The following SRRM4 variants were observed in gnomAD, a reference collection of about 807,000 sequenced individuals.
SRRM4 encodes serine/arginine repetitive matrix protein 4.
A neutral mutation model predicts 68.9 loss-of-function variants in SRRM4; 33 were observed. The ratio of observed to expected loss-of-function variants is 0.48; its 90% confidence interval spans 0.36 to 0.64. The LOEUF is 0.64. SRRM4 is among the 30% of genes least tolerant of loss of function. The pLI is 0.00. For synonymous variants in SRRM4, 318 were observed against 318.8 expected, an observed-to-expected ratio of 1.00 and a Z score of 0.03; for missense variants, 817 against 827.1, an observed-to-expected ratio of 0.99 and a Z score of 0.15.
At chr12:119,070,526 C>A (rs551364113) in intron 1 of SRRM4, among the ~76,000 whole-genome samples, 1 of 152,234 alleles carries the variant, frequency 6.6e-6, no homozygotes, top group Admixed American at 6.5e-5. Context: ...CCACCCCCTG[C>A]CGCACACAGA....
chr12:119,140,722 G>C (rs1364547617), intron 8 of SRRM4, among the ~76,000 whole-genome samples: 2 of 152,222 alleles, frequency 1.3e-5, no homozygotes, highest in African/African-American at 4.8e-5. Context: ...TTGCAGGTCG[G>C]AAACTTCTCA....
At chr12:119,103,664 G>A (rs1954090000) in intron 2 of SRRM4, among the ~76,000 whole-genome samples, 1 of 152,216 alleles carries the variant, frequency 6.6e-6, no homozygotes, top group African/African-American at 2.4e-5. Flanking sequence ...ATGATAGGCA[G>A]AGGGAGATAA....
At chr12:119,122,250 G>GGCAGGAAT in intron 6 of SRRM4, 130 bp downstream of exon 6, 1 of 196,964 alleles carries the variant, frequency 5.1e-6, no homozygotes, top group Non-Finnish European at 9.2e-6. Context: ...GTGAAAGGAA[G>GGCAGGAAT]GCAGGAAGGC....
intron 1 of SRRM4, among the ~76,000 whole-genome samples, chr12:119,026,234 A>T (rs934836918): frequency 6.6e-6 from 1 of 152,010 alleles, no homozygotes; most frequent in African/African-American, 2.4e-5. Flanking sequence ...TTCAATAATG[A>T]AATTAAAAAA....
At chr12:119,092,560 A>G (rs922648397) in intron 1 of SRRM4, among the ~76,000 whole-genome samples, 4 of 152,116 alleles carry the variant, frequency 2.6e-5, no homozygotes, top group Non-Finnish European at 4.4e-5. Flanking sequence ...CACACTCCAT[A>G]GCCAATCCAT....
chr12:119,076,672 C>T (rs1334002806), intron 1 of SRRM4, among the ~76,000 whole-genome samples: 1 of 152,208 alleles, frequency 6.6e-6, no homozygotes, highest in Non-Finnish European at 1.5e-5. Flanking sequence ...TTGTCGAGAT[C>T]TGAAATTCAA....
chr12:119,115,644 T>C (rs1954174919), intron 3 of SRRM4, among the ~76,000 whole-genome samples: 1 of 152,034 alleles, frequency 6.6e-6, no homozygotes, highest in African/African-American at 2.4e-5. Flanking sequence ...CATTGTAGGG[T>C]AGGAGATGAA....
chr12:119,145,706 C>G (rs776024883), intron 9 of SRRM4, 21 bp downstream of exon 9: 2 of 1,476,118 alleles, frequency 1.4e-6, no homozygotes, highest in African/African-American at 1.4e-5. Flanking sequence ...CACACAGGGT[C>G]GGGGGTAGAC....
At chr12:118,998,499 A>G (rs943654782) in intron 1 of SRRM4, among the ~76,000 whole-genome samples, 1 of 152,182 alleles carries the variant, frequency 6.6e-6, no homozygotes, top group African/African-American at 2.4e-5. Context: ...AGGGGATGTT[A>G]CAGCTTTTGG....
intron 1 of SRRM4, among the ~76,000 whole-genome samples, chr12:119,078,943 T>C (rs554157350): frequency 6.6e-6 from 1 of 151,960 alleles, no homozygotes; most frequent in South Asian, 2.1e-4. Flanking sequence ...AAATAAAAAA[T>C]AAAAAGGTGA....
rs780258407 is a variant in SRRM4, at chr12:118,997,757, A to G, written c.131+15744A>G. ...TCCACATAGATCAATATCTCAAAAT[A>G]TTGTCCCATTGCACACGCAACATCT... On this transcript the variant is annotated intron_variant, in intron 1 of 12. Coordinates refer to ENST00000267260, the MANE Select transcript of SRRM4 (RefSeq NM_194286.4). 2.3e-4 allele frequency among the ~76,000 whole-genome samples: 35 copies of G among 152,170 alleles called. 1 individual carries two copies. Among genetic ancestry groups the G allele is most frequent in the Admixed American group, 2.0e-4 (3 of 15,274 alleles).
chr12:119,089,520 A>G (rs1159902653), intron 1 of SRRM4, among the ~76,000 whole-genome samples: 1 of 152,200 alleles, frequency 6.6e-6, no homozygotes, highest in Non-Finnish European at 1.5e-5. Context: ...TCCTCTCTCC[A>G]GAGCTCCCTC....
chr12:119,068,669 G>A (rs1227149661), intron 1 of SRRM4, among the ~76,000 whole-genome samples: 1 of 152,002 alleles, frequency 6.6e-6, no homozygotes, highest in African/African-American at 2.4e-5. Flanking sequence ...ATGCCACAGA[G>A]CTTCTATTGC....
intron 1 of SRRM4, among the ~76,000 whole-genome samples, chr12:119,096,276 G>T (rs1283494269): frequency 6.7e-6 from 1 of 149,138 alleles, no homozygotes; most frequent in East Asian, 2.0e-4. Context: ...CTCGTAATCC[G>T]CCCACCTCAG....
intron 1 of SRRM4, among the ~76,000 whole-genome samples, chr12:119,021,532 G>A (rs1461143658): frequency 6.6e-6 from 1 of 152,202 alleles, no homozygotes; most frequent in African/African-American, 2.4e-5. Flanking sequence ...GTGCACACCA[G>A]TGTGCACCAA....
chr12:119,127,721 T>A, intron 7 of SRRM4, among the ~76,000 whole-genome samples: 1 of 108,768 alleles, frequency 9.2e-6, no homozygotes, highest in African/African-American at 3.7e-5. Context: ...AAAGTGAAAG[T>A]CTGTCTCAAA....
At chr12:119,067,378 A>C (rs188784208) in intron 1 of SRRM4, among the ~76,000 whole-genome samples, 23 of 152,208 alleles carry the variant, frequency 1.5e-4, no homozygotes, top group Admixed American at 7.2e-4. Context: ...TTATCTTTTC[A>C]TGAGTCTATC....
intron 1 of SRRM4, among the ~76,000 whole-genome samples, chr12:119,099,439 T>C (rs189160171): frequency 6.6e-6 from 1 of 151,698 alleles, no homozygotes; most frequent in South Asian, 2.1e-4. Flanking sequence ...CGGCCGCTCT[T>C]CCTTATAATA....
chr12:119,106,376 T>C (rs1247756433), intron 2 of SRRM4, among the ~76,000 whole-genome samples: 2 of 152,162 alleles, frequency 1.3e-5, no homozygotes, highest in Non-Finnish European at 2.9e-5. Flanking sequence ...GGGGATGGCA[T>C]TGAATCTATA....
Sources: allele counts gnomAD v4.1 joint callset (sites outside exome capture counted in the v4.1 genomes callset), GRCh38; gene constraint gnomAD v4.1.1; transcripts MANE v1.5; gene names NCBI Gene and HGNC (gene_info 2026-07-23, HGNC 2026-07-21).